The following DOCK3 variants were observed in gnomAD, a reference collection of about 807,000 sequenced individuals.
DOCK3 encodes dedicator of cytokinesis protein 3.
DOCK3 carries 60 observed loss-of-function variants against 265.6 expected under a neutral mutation model. The ratio of observed to expected loss-of-function variants is 0.23; its 90% CI spans 0.18 to 0.28. The LOEUF is 0.28. DOCK3 is among the 10% of genes least tolerant of loss of function. The pLI, the probability that DOCK3 is intolerant of heterozygous loss-of-function variation, is 1.00. For synonymous variants in DOCK3, 881 were observed against 938.0 expected (o/e 0.94, Z 1.11); for missense variants, 1,981 against 2,594.3 (o/e 0.76, Z 5.14).
At chr3:51,335,933 A>C (rs1255794152) in intron 35 of DOCK3, among the ~76,000 whole-genome samples, 2 of 151,672 alleles carry the variant, frequency 1.3e-5, no homozygotes, top group Non-Finnish European at 2.9e-5. Flanking sequence ...TCGAGGATGC[A>C]GTGAGCTGAG....
chr3:50,822,451 A>C (rs988151374), intron 2 of DOCK3, among the ~76,000 whole-genome samples: 1 of 152,120 alleles, frequency 6.6e-6, no homozygotes, highest in Non-Finnish European at 1.5e-5. Context: ...TGTCACAATG[A>C]TATTGAGAAA....
At chr3:50,877,181 G>A in intron 3 of DOCK3, 2 of 316,200 alleles carry the variant, frequency 6.3e-6, no homozygotes, top group Non-Finnish European at 6.3e-6. Flanking sequence ...GCCATACTGA[G>A]CTCCTGAATG....
intron 21 of DOCK3, among the ~76,000 whole-genome samples, chr3:51,241,671 A>G (rs1174187306): frequency 6.6e-6 from 1 of 152,176 alleles, no homozygotes; most frequent in Non-Finnish European, 1.5e-5. Flanking sequence ...TCAGAAGGCC[A>G]GTCTTCAAGC....
At chr3:51,254,234 G>T (rs2079421619) in intron 22 of DOCK3, among the ~76,000 whole-genome samples, 1 of 152,192 alleles carries the variant, frequency 6.6e-6, no homozygotes, top group African/African-American at 2.4e-5. Flanking sequence ...CTGAGAGACA[G>T]TTTGTTAAAA....
At chr3:50,741,171 T>G (rs2038998936) in intron 1 of DOCK3, among the ~76,000 whole-genome samples, 1 of 151,818 alleles carries the variant, frequency 6.6e-6, no homozygotes, top group Non-Finnish European at 1.5e-5. Flanking sequence ...TCCCCCATTT[T>G]GTTTATCCAC....
At chr3:50,981,005 G>C (rs2077670047) in intron 5 of DOCK3, among the ~76,000 whole-genome samples, 1 of 151,840 alleles carries the variant, frequency 6.6e-6, no homozygotes, top group Admixed American at 6.6e-5. Flanking sequence ...TTTTGGATTT[G>C]GTTTGTTCTT....
intron 7 of DOCK3, among the ~76,000 whole-genome samples, chr3:51,080,680 C>G (rs2082201223): frequency 6.6e-6 from 1 of 152,186 alleles, no homozygotes; most frequent in African/African-American, 2.4e-5. Context: ...CTGAAATTAG[C>G]TGCTTCATAA....
intron 3 of DOCK3, among the ~76,000 whole-genome samples, chr3:50,864,622 A>G (rs1169917744): frequency 6.6e-6 from 1 of 151,956 alleles, no homozygotes; most frequent in Non-Finnish European, 1.5e-5. Flanking sequence ...ATTTTTGTAT[A>G]TGGTTGAAGA....
intron 18 of DOCK3, 48 bp from the exon 19 acceptor site, chr3:51,229,462 AAG>A: frequency 2.2e-6 from 3 of 1,385,080 alleles, no homozygotes; most frequent in Admixed American, 2.5e-5. Flanking sequence ...AAAAAAAAAA[AAG>A]AATATCCAGG....
At chr3:51,237,648 AAAAAAGTTTAGCTGCAACCAGCATTT>A in intron 21 of DOCK3, 58 bp downstream of exon 21, 2 of 1,469,788 alleles carry the variant, frequency 1.4e-6, no homozygotes, top group Non-Finnish European at 1.9e-6. Context: ...TATAGGCTTT[AAAAAAGTTTAGCTGCAACCAGCATTT>A]AAAAAGTTCA....
intron 32 of DOCK3, among the ~76,000 whole-genome samples, chr3:51,326,587 TTGTTGTTG>T (rs1560441280): frequency 2.6e-3 from 18 of 6,990 alleles, no homozygotes; most frequent in African/African-American, 0.01. Context: ...GCATGTTTTG[TTGTTGTTG>T]TTGTTGTTGT....
rs187145245 is a variant in DOCK3, at chr3:51,168,421, G to T, written c.1037+7719G>T. ...ATAGACAAATAGAACAGAATACAGA[G>T]CCCAGAAATAAGGCAGCATGCCTAC... On this transcript the variant is annotated intron_variant, in intron 12 of 52. Transcript: ENST00000266037. Among the ~76,000 whole-genome samples, 15 of 152,246 alleles carry T rather than the reference G, an allele frequency of 9.9e-5. 1 individual carries two copies. Among genetic ancestry groups the T allele is most frequent in the South Asian group, 6.2e-4 (3 of 4,824 alleles).
At chr3:50,847,650 G>T (rs1379687361) in intron 3 of DOCK3, among the ~76,000 whole-genome samples, 1 of 152,110 alleles carries the variant, frequency 6.6e-6, no homozygotes, top group Admixed American at 6.6e-5. Context: ...TTGGGAGGCT[G>T]AGGTGGGCAG....
intron 41 of DOCK3, 134 bp downstream of exon 41, chr3:51,355,157 C>T: frequency 1.6e-6 from 2 of 1,282,092 alleles, no homozygotes; most frequent in South Asian, 1.5e-5. Context: ...TGAGTGTGTC[C>T]TCATTGCTTA....
rs1485901381 is a variant in DOCK3 at position 50,766,309 on chromosome 3, T to TC, written c.38-12362dup. 4.4e-5 allele frequency among the ~76,000 whole-genome samples: 6 copies of TC among 135,576 alleles called. No individual in the cohort carries two copies. The East Asian group carries it at 1.4e-3, about 31-fold the overall frequency. The allele number at this position is 135,576 out of a possible 152,430, so 88.9% of individuals were successfully genotyped here. On this transcript the variant is annotated intron_variant, in intron 1 of 52. Transcript: ENST00000266037. ...CACAACAGGCCCCGGTGTGTGATGT[T>TC]CCCCTTCCTATGTCCAAGTGTTCTC...
chr3:51,294,034 A>G (rs2081936235), intron 27 of DOCK3, among the ~76,000 whole-genome samples: 1 of 152,208 alleles, frequency 6.6e-6, no homozygotes, highest in African/African-American at 2.4e-5. Context: ...AACAGTATGA[A>G]GTTTTCTCAA....
At chr3:51,379,038 G>A (rs1553617490) in intron 51 of DOCK3, among the ~76,000 whole-genome samples, 1 of 152,162 alleles carries the variant, frequency 6.6e-6, no homozygotes, top group Non-Finnish European at 1.5e-5. Context: ...ACTGAGCCTG[G>A]GCAGTAGGAG....
At chr3:50,889,414 A>G (rs2048530514) in intron 3 of DOCK3, among the ~76,000 whole-genome samples, 2 of 151,082 alleles carry the variant, frequency 1.3e-5, no homozygotes, top group South Asian at 2.1e-4. Flanking sequence ...AGAGCATTTT[A>G]TACATCAGGA....
intron 27 of DOCK3, among the ~76,000 whole-genome samples, chr3:51,305,721 T>TGC (rs2082624822): frequency 4.1e-5 from 2 of 48,930 alleles, no homozygotes. Flanking sequence ...TGTGTCTGTG[T>TGC]GTGTGTGTGT....
Sources: allele counts gnomAD v4.1 joint callset (sites outside exome capture counted in the v4.1 genomes callset), GRCh38; gene constraint gnomAD v4.1.1; transcripts MANE v1.5; gene names NCBI Gene and HGNC (gene_info 2026-07-23, HGNC 2026-07-21).